PEX5L: variants seen among roughly 807,000 people sequenced by gnomAD.
PEX5L encodes peroxisomal biogenesis factor 5 like.
In PEX5L, 30 loss-of-function variants were observed where a neutral mutation model predicts 84.0. The observed-to-expected ratio is 0.36, with a 90% CI of 0.27 to 0.48. PEX5L has a LOEUF of 0.48. Among genes scored for constraint, PEX5L ranks in the 20% least tolerant of loss-of-function variants. The pLI, the probability that PEX5L is intolerant of heterozygous loss-of-function variation, is 0.99. For synonymous variants in PEX5L, 270 were observed against 283.1 expected (o/e 0.95, Z 0.46); for missense variants, 533 against 754.6 (o/e 0.71, Z 3.44).
chr3:180,016,790 C>A (rs1397831098), intron 1 of PEX5L, among the ~76,000 whole-genome samples: 1 of 152,140 alleles, frequency 6.6e-6, no homozygotes, highest in African/African-American at 2.4e-5. Flanking sequence ...ATTAATTTAG[C>A]TGATTTATTT....
At chr3:179,898,110 G>A (rs1312009177) in intron 3 of PEX5L, 32 bp downstream of exon 3, 1 of 1,356,980 alleles carries the variant, frequency 7.4e-7, no homozygotes. Flanking sequence ...ACATATGTCA[G>A]CTTCCTACAG....
intron 1 of PEX5L, among the ~76,000 whole-genome samples, chr3:179,994,468 G>C (rs1434935282): frequency 6.6e-6 from 1 of 151,936 alleles, no homozygotes; most frequent in Non-Finnish European, 1.5e-5. Flanking sequence ...CCTCCTCCTG[G>C]GCTATCTTTT....
chr3:179,907,353 C>A (rs1027748866), intron 2 of PEX5L, among the ~76,000 whole-genome samples: 4 of 152,094 alleles, frequency 2.6e-5, no homozygotes, highest in Non-Finnish European at 5.9e-5. Flanking sequence ...GTCTCTGTTG[C>A]CCAGGCTGAA....
intron 2 of PEX5L, among the ~76,000 whole-genome samples, chr3:179,960,123 C>T (rs576622896): frequency 6.6e-6 from 1 of 152,294 alleles, no homozygotes; most frequent in Admixed American, 6.5e-5. Flanking sequence ...GGGACTTGCT[C>T]TTTCCCTCTT....
At chr3:179,804,750 T>C (rs949027483) in intron 14 of PEX5L, among the ~76,000 whole-genome samples, 1 of 152,238 alleles carries the variant, frequency 6.6e-6, no homozygotes, top group Non-Finnish European at 1.5e-5. Context: ...GCTCTTTCTC[T>C]ATTGAGGGTT....
At chr3:180,000,330 G>A (rs1181047017) in intron 1 of PEX5L, among the ~76,000 whole-genome samples, 2 of 152,194 alleles carry the variant, frequency 1.3e-5, no homozygotes, top group African/African-American at 2.4e-5. Flanking sequence ...CTCCACAATG[G>A]AGGTAAGGAA....
At chr3:179,860,666 C>A (rs1019771655) in intron 7 of PEX5L, among the ~76,000 whole-genome samples, 1 of 152,174 alleles carries the variant, frequency 6.6e-6, no homozygotes, top group East Asian at 1.9e-4. Context: ...CTGAAGGGGA[C>A]CCCCCTCTTC....
chr3:179,994,668 C>T (rs1787693104), intron 1 of PEX5L, among the ~76,000 whole-genome samples: 1 of 151,998 alleles, frequency 6.6e-6, no homozygotes, highest in South Asian at 2.1e-4. Context: ...AGTATTGATC[C>T]TGGGTGTGTC....
chr3:179,796,391 T>C lies in PEX5L; in HGVS notation c.*5437A>G, dbSNP rs1392883291. On this transcript the variant is annotated 3_prime_UTR_variant, in exon 15 of 15. Transcript: ENST00000467460. ...GGTCCTGAGAAAACAGTTCTGACAT[T>C]GGGACACTTGTCTCTAGACTGTGTT... is the stretch of plus-strand genomic sequence containing the variant. 1 of 152,204 alleles carries C rather than the reference T, an allele frequency of 6.6e-6. No individual in the cohort carries two copies. Among genetic ancestry groups the C allele is most frequent in the East Asian group, 1.9e-4 (1 of 5,194 alleles). 9.4% of individuals were successfully genotyped at this position (152,204 alleles called of 1,614,324 possible).
chr3:179,859,221 G>C (rs1243968279), intron 7 of PEX5L, 64 bp from the exon 8 acceptor site: 2 of 1,237,778 alleles, frequency 1.6e-6, no homozygotes, highest in Non-Finnish European at 2.4e-6. Flanking sequence ...GAAATATACA[G>C]GTGCTTTTCC....
At chr3:180,026,098 C>T (rs925068820) in intron 1 of PEX5L, among the ~76,000 whole-genome samples, 2 of 147,098 alleles carry the variant, frequency 1.4e-5, no homozygotes, top group Non-Finnish European at 3.0e-5. Flanking sequence ...TATTAAGCGA[C>T]GTATGATGAA....
intron 1 of PEX5L, among the ~76,000 whole-genome samples, chr3:180,005,010 T>C (rs999659475): frequency 2.6e-5 from 4 of 152,192 alleles, no homozygotes; most frequent in Non-Finnish European, 5.9e-5. Flanking sequence ...GTTTTAAATA[T>C]ATTTAAAAAT....
chr3:179,838,851 T>C (rs1735971148), intron 8 of PEX5L, among the ~76,000 whole-genome samples: 1 of 152,166 alleles, frequency 6.6e-6, no homozygotes, highest in Non-Finnish European at 1.5e-5. Context: ...GCTTTATATA[T>C]ATATTTTAAA....
At chr3:180,035,454 T>G (rs1791820740) in intron 1 of PEX5L, among the ~76,000 whole-genome samples, 1 of 152,214 alleles carries the variant, frequency 6.6e-6, no homozygotes, top group South Asian at 2.1e-4. Flanking sequence ...CGGGAAATCT[T>G]TTGGAATTCT....
intron 2 of PEX5L, among the ~76,000 whole-genome samples, chr3:179,967,211 C>T (rs978520402): frequency 2.0e-5 from 3 of 152,074 alleles, no homozygotes; most frequent in Non-Finnish European, 4.4e-5. Context: ...TGGTACAGAG[C>T]TATGTGAGGT....
At chr3:179,942,250 C>T (rs1254528620) in intron 2 of PEX5L, among the ~76,000 whole-genome samples, 1 of 152,204 alleles carries the variant, frequency 6.6e-6, no homozygotes, top group East Asian at 1.9e-4. Flanking sequence ...GCCTGGGCCT[C>T]ATTTCTCCTC....
intron 1 of PEX5L, among the ~76,000 whole-genome samples, chr3:180,011,698 C>T (rs1561061259): frequency 6.6e-6 from 1 of 151,950 alleles, no homozygotes; most frequent in Non-Finnish European, 1.5e-5. Context: ...AGTCTTCTAC[C>T]CCCATAACTG....
chr3:179,990,287 T>G (rs9833792), intron 1 of PEX5L, among the ~76,000 whole-genome samples: 1 of 152,218 alleles, frequency 6.6e-6, no homozygotes, highest in South Asian at 2.1e-4. Flanking sequence ...TCATTTGCAC[T>G]AGAGAAAAGA....
At chr3:180,025,954 G>C (rs190685663) in intron 1 of PEX5L, among the ~76,000 whole-genome samples, 1 of 152,120 alleles carries the variant, frequency 6.6e-6, no homozygotes, top group Non-Finnish European at 1.5e-5. Context: ...TGAGGAAAGC[G>C]GGGGTTAGGG....
Sources: allele counts gnomAD v4.1 joint callset (sites outside exome capture counted in the v4.1 genomes callset), GRCh38; gene constraint gnomAD v4.1.1; transcripts MANE v1.5; gene names NCBI Gene and HGNC (gene_info 2026-07-23, HGNC 2026-07-21).